Variants in EXOC6B observed in about 807,000 individuals in gnomAD.
EXOC6B encodes SEC15 homolog B.
Under a neutral mutation model 113.5 loss-of-function variants are expected in EXOC6B, and 54 were observed. The observed-to-expected ratio is 0.48, with a 90% CI of 0.38 to 0.60. EXOC6B has a LOEUF of 0.60. EXOC6B is among the 20% of genes least tolerant of loss of function. The pLI is 0.00. For missense variants in EXOC6B, 797 were observed against 977.5 expected (o/e 0.82, Z 2.46); for synonymous variants, 357 against 339.0 (o/e 1.05, Z -0.58).
rs534530734 is a variant in EXOC6B at position 72,307,180 on chromosome 2, G to A, written c.2196+27767C>T. ...AGTCCAGTTTTTTTTTTTTTGAGAC[G>A]GAGTCTTGCTCTGTCGCCAGGCTGG... On this transcript the variant is annotated intron_variant, in intron 20 of 21. Coordinates refer to ENST00000272427, the MANE Select transcript of EXOC6B (RefSeq NM_015189.3). Among the ~76,000 whole-genome samples the A allele has an allele frequency of 5.2e-3, 510 of 97,860 alleles. 4 individuals are homozygous for A. The African/African-American group carries it at 0.072, about 14-fold the overall frequency. 64.2% of individuals were successfully genotyped at this position (97,860 alleles called of 152,430 possible). A position where few individuals can be genotyped will look rare whatever the true frequency, so the allele number is the denominator to read the frequency against.
chr2:72,681,064 A>T (rs1676666724), intron 6 of EXOC6B, among the ~76,000 whole-genome samples: 1 of 152,208 alleles, frequency 6.6e-6, no homozygotes, highest in Non-Finnish European at 1.5e-5. Context: ...ATGCCTTCTT[A>T]AAACCTTCAA....
intron 18 of EXOC6B, among the ~76,000 whole-genome samples, chr2:72,405,788 C>T (rs1693710062): frequency 6.6e-6 from 1 of 152,182 alleles, no homozygotes; most frequent in Admixed American, 6.5e-5. Context: ...GAAGAAACTG[C>T]ATCAACTAAA....
At chr2:72,424,439 A>G (rs1216869886) in intron 18 of EXOC6B, among the ~76,000 whole-genome samples, 1 of 151,984 alleles carries the variant, frequency 6.6e-6, no homozygotes, top group Non-Finnish European at 1.5e-5. Flanking sequence ...TCATCTCCCA[A>G]TTTTTATCCA....
intron 6 of EXOC6B, among the ~76,000 whole-genome samples, chr2:72,658,952 T>C (rs1039721270): frequency 1.3e-5 from 2 of 152,104 alleles, no homozygotes; most frequent in African/African-American, 2.4e-5. Flanking sequence ...ATATAGTACA[T>C]TTCTTAAATC....
In EXOC6B at chr2:72,178,396, G is replaced by C. The variant is rs552581015; in HGVS notation, c.*939C>G. 1 of 152,338 alleles carries C rather than the reference G, an allele frequency of 6.6e-6. No individual in the cohort carries two copies. The highest frequency in any genetic ancestry group is 2.1e-4 in the South Asian group (1 of 4,826). 9.4% of individuals were successfully genotyped at this position (152,338 alleles called of 1,614,324 possible). On this transcript the variant is annotated 3_prime_UTR_variant, in exon 22 of 22. Coordinates refer to ENST00000272427, the MANE Select transcript of EXOC6B (RefSeq NM_015189.3). ...AGGGTAAGGTAAAGGCCATTTTTAG[G>C]CTTCCGAAATCTGAACTATTTCAAT...
At chr2:72,232,085 T>C (rs1681660516) in intron 20 of EXOC6B, among the ~76,000 whole-genome samples, 1 of 152,270 alleles carries the variant, frequency 6.6e-6, no homozygotes, top group South Asian at 2.1e-4. Flanking sequence ...GCGATTCTCC[T>C]GCCCCAGCCT....
chr2:72,671,324 A>T (rs918027569), intron 6 of EXOC6B, among the ~76,000 whole-genome samples: 1 of 152,172 alleles, frequency 6.6e-6, no homozygotes, highest in Admixed American at 6.5e-5. Flanking sequence ...AGTAAAACAA[A>T]ATCTCATTTA....
intron 1 of EXOC6B, among the ~76,000 whole-genome samples, chr2:72,765,518 C>T (rs539579293): frequency 1.3e-5 from 2 of 151,960 alleles, no homozygotes; most frequent in East Asian, 3.9e-4. Context: ...TACTAAATTA[C>T]AAAACTTAGC....
At chr2:72,182,805 G>T in intron 21 of EXOC6B, 1 of 934,680 alleles carries the variant, frequency 1.1e-6, no homozygotes, top group Non-Finnish European at 1.4e-6. Flanking sequence ...AGAGGCTAGG[G>T]ATTTTAGTGT....
At chr2:72,319,070 A>T (rs1375591999) in intron 20 of EXOC6B, among the ~76,000 whole-genome samples, 1 of 151,958 alleles carries the variant, frequency 6.6e-6, no homozygotes, top group African/African-American at 2.4e-5. Context: ...AATAATTTAC[A>T]TTAAGGAGTA....
At chr2:72,636,353 GAAGGAAGGAAGGAAGGAAGCAAGGAAGC>G (rs1207421536) in intron 6 of EXOC6B, among the ~76,000 whole-genome samples, 1 of 131,926 alleles carries the variant, frequency 7.6e-6, no homozygotes, top group African/African-American at 3.1e-5. Flanking sequence ...AGGAAGGAAG[GAAGGAAGGAAGGAAGGAAGCAAGGAAGC>G]AAGGAAGGGA....
intron 6 of EXOC6B, among the ~76,000 whole-genome samples, chr2:72,655,875 A>C (rs952493683): frequency 3.3e-5 from 5 of 152,100 alleles, no homozygotes; most frequent in African/African-American, 9.6e-5. Context: ...ATCTTAATCT[A>C]TAAAACTAAA....
chr2:72,782,151 A>G (rs372988545), intron 1 of EXOC6B, among the ~76,000 whole-genome samples: 19 of 151,538 alleles, frequency 1.3e-4, no homozygotes, highest in South Asian at 2.1e-4. Context: ...AAAAAAAAAA[A>G]AAAAGAAAAG....
At chr2:72,585,459 T>C (rs1207943957) in intron 6 of EXOC6B, among the ~76,000 whole-genome samples, 4 of 151,856 alleles carry the variant, frequency 2.6e-5, no homozygotes, top group South Asian at 2.1e-4. Flanking sequence ...CTGCCAGGCA[T>C]GGTGGCACAC....
chr2:72,730,718 CA>C (rs1242758405), intron 5 of EXOC6B, among the ~76,000 whole-genome samples: 1 of 151,892 alleles, frequency 6.6e-6, no homozygotes, highest in Non-Finnish European at 1.5e-5. Context: ...TGAATCAAAA[CA>C]TATCTCAAAC....
At chr2:72,568,097 C>T (rs1252207215) in intron 7 of EXOC6B, among the ~76,000 whole-genome samples, 1 of 151,850 alleles carries the variant, frequency 6.6e-6, no homozygotes, top group African/African-American at 2.4e-5. Context: ...CCAATGTATG[C>T]CTCCAGATGT....
intron 18 of EXOC6B, chr2:72,462,643 A>T (rs1697769528): frequency 6.6e-6 from 1 of 152,088 alleles, no homozygotes. Context: ...TTTATCAGAC[A>T]CTGAATCTGC....
chr2:72,754,846 T>C (rs1460292652), intron 1 of EXOC6B, among the ~76,000 whole-genome samples: 1 of 152,092 alleles, frequency 6.6e-6, no homozygotes, highest in African/African-American at 2.4e-5. Context: ...CTCAAACTTC[T>C]GGGCTCAAGC....
intron 20 of EXOC6B, among the ~76,000 whole-genome samples, chr2:72,204,195 A>T (rs1312806057): frequency 6.6e-6 from 1 of 152,146 alleles, no homozygotes; most frequent in Non-Finnish European, 1.5e-5. Context: ...GTAGAGAAGG[A>T]TCTCAAAAAA....
Sources: allele counts gnomAD v4.1 joint callset (sites outside exome capture counted in the v4.1 genomes callset), GRCh38; gene constraint gnomAD v4.1.1; transcripts MANE v1.5; gene names NCBI Gene and HGNC (gene_info 2026-07-23, HGNC 2026-07-21).